The following FAM118A variants were observed in gnomAD, a reference collection of about 807,000 sequenced individuals.
The protein encoded by FAM118A is SIR2 antiphage like 2, also known as protein FAM118A.
Under a neutral mutation model 38.2 loss-of-function variants are expected in FAM118A, and 25 were observed. The ratio of observed to expected loss-of-function variants is 0.65; its 90% confidence interval spans 0.48 to 0.91. FAM118A has a LOEUF of 0.91. FAM118A is among the 40% of genes least tolerant of loss of function. The probability of loss-of-function intolerance (pLI) is 0.00; values close to 1 mark genes in which losing one functional copy is unlikely to be tolerated. For missense variants in FAM118A, 425 were observed against 463.3 expected, an observed-to-expected ratio of 0.92 and a Z score of 0.76; for synonymous variants, 178 against 184.1, an observed-to-expected ratio of 0.97 and a Z score of 0.27.
At chr22:45,319,746 G>A (rs1337935039) in intron 1 of FAM118A, among the ~76,000 whole-genome samples, 3 of 152,158 alleles carry the variant, frequency 2.0e-5, no homozygotes, top group Non-Finnish European at 4.4e-5. Flanking sequence ...TCCTTAGAAA[G>A]TATCTAGTAG....
In FAM118A at chr22:45,323,397, C is replaced by T. The variant is rs1056797046; in HGVS notation, c.270C>T (p.Val90=). The T allele has an allele frequency of 2.5e-6, 4 of 1,614,052 alleles. No homozygotes were observed. The highest frequency in any genetic ancestry group is 1.1e-5 in the South Asian group (1 of 91,078). Residue 90 remains valine, a synonymous_variant, in exon 3 of 9, where the codon GTC becomes GTT. Coordinates refer to ENST00000441876, the MANE Select transcript of FAM118A (RefSeq NM_017911.4). The stretch of plus-strand genomic sequence containing the variant: ...CAAAGGACCGGGACCTGTTGGTTGT[C>T]GCCCATGATCTGATCCGGAAGATGT... ...KVTKDRDLLV[V]AHDLIRKMSP...
rs961633924 is a variant in FAM118A, at chr22:45,330,688, A to C, written c.608A>C (p.Asp203Ala). The C allele has an allele frequency of 7.5e-6, 12 of 1,595,934 alleles. No homozygotes were observed. Among genetic ancestry groups the C allele is most frequent in the Non-Finnish European group, 1.0e-5 (12 of 1,173,524 alleles). ...LYTDPCGVVLDPSGYKDVTQD... is the reference protein window; with the variant it reads ...LYTDPCGVVLAPSGYKDVTQD... ...ACGGACCCCTGCGGGGTGGTGCTGG[A>C]CCCATCGGGGTATAAAGACGTCACT... Residue 203 changes from aspartate to alanine, a missense_variant, in exon 5 of 9, where the codon GAC becomes GCC. Transcript: ENST00000441876.
At chr22:45,322,858 A>G (rs2084963472) in intron 2 of FAM118A, among the ~76,000 whole-genome samples, 1 of 152,220 alleles carries the variant, frequency 6.6e-6, no homozygotes, top group African/African-American at 2.4e-5. Context: ...CATCGTTTGT[A>G]TTCATAACCT....
chr22:45,328,716 A>G, intron 4 of FAM118A: 1 of 529,882 alleles, frequency 1.9e-6, no homozygotes, highest in Non-Finnish European at 3.4e-6. Context: ...TGGGAGGGAG[A>G]TGGTTGCAGT....
intron 3 of FAM118A, 27 bp downstream of exon 3, chr22:45,323,454 G>A (rs1305041979): frequency 1.9e-6 from 3 of 1,602,912 alleles, no homozygotes; most frequent in Non-Finnish European, 1.7e-6. Flanking sequence ...TACCTCTTGG[G>A]GACAGCTTGG....
chr22:45,332,650 G>T lies in FAM118A; in HGVS notation c.877G>T (p.Asp293Tyr). 1 of 1,614,130 alleles carries T rather than the reference G, an allele frequency of 6.2e-7. No individual in the cohort carries two copies. Residue 293 changes from aspartate to tyrosine, a missense_variant, in exon 6 of 9, where the codon GAC becomes TAC. Asp to Tyr is a radical substitution (Grantham distance 160). Transcript: ENST00000441876. ...AGTTGTATCCTACGGGGACTGTTTT[G>T]ACCACTTTCCAGGATATGTGCAAGA... ...IKVVSYGDCF[D>Y]HFPGYVQDLA...
At chr22:45,335,048 C>G (rs1472296365) in intron 6 of FAM118A, 9 of 412,158 alleles carry the variant, frequency 2.2e-5, no homozygotes, top group Non-Finnish European at 3.9e-5. Flanking sequence ...CATTTGTACT[C>G]GAATTCATGG....
Position 45,340,676 on chromosome 22 carries a change from G to A in FAM118A, c.*271G>A. ...CTCAGGGACCAGAATCCGTGGGAAGGGATGGACCTGGTGTTCCCGTTCCCA... is the reference window on the plus strand; with the variant it reads ...CTCAGGGACCAGAATCCGTGGGAAGAGATGGACCTGGTGTTCCCGTTCCCA... On this transcript the variant is annotated 3_prime_UTR_variant, in exon 9 of 9. Transcript: ENST00000441876. 1 of 522,616 alleles carries A rather than the reference G, an allele frequency of 1.9e-6. No individual in the cohort carries two copies. The highest frequency in any genetic ancestry group is 3.4e-6 in the Non-Finnish European group (1 of 296,264). The allele number at this position is 522,616 out of a possible 1,614,324, so 32.4% of individuals were successfully genotyped here.
intron 1 of FAM118A, chr22:45,322,052 C>G: frequency 2.0e-6 from 1 of 511,812 alleles, no homozygotes; most frequent in South Asian, 2.0e-5. Context: ...AGCAGTGTCC[C>G]AAGAGACAGC....
chr22:45,327,198 C>T (rs555471207), intron 3 of FAM118A, among the ~76,000 whole-genome samples: 3 of 151,938 alleles, frequency 2.0e-5, no homozygotes, highest in Admixed American at 6.5e-5. Context: ...TATCCTGGCA[C>T]CACTGTGCTC....
intron 6 of FAM118A, among the ~76,000 whole-genome samples, chr22:45,334,290 G>C (rs1026445829): frequency 6.6e-6 from 1 of 152,176 alleles, no homozygotes; most frequent in Non-Finnish European, 1.5e-5. Flanking sequence ...GTGCTGGCTC[G>C]TTTAATTGTA....
rs150348852 is a variant in FAM118A at position 45,311,034 on chromosome 22, T to G, written c.-10+851T>G. ...TGGGGCATAAGACAAGTAGGTCGTT[T>G]TTATCTGGAGGAAGCTGTGTCGTCG... On this transcript the variant is annotated intron_variant, in intron 1 of 8. Coordinates refer to ENST00000441876, the MANE Select transcript of FAM118A (RefSeq NM_017911.4). 4.5e-3 allele frequency among the ~76,000 whole-genome samples: 690 copies of G among 152,210 alleles called. 2 individuals carry two copies. The highest frequency in any genetic ancestry group is 0.016 in the African/African-American group (662 of 41,510).
intron 6 of FAM118A, 33 bp from the exon 7 acceptor site, chr22:45,335,317 C>G (rs200113110): frequency 2.5e-6 from 4 of 1,613,910 alleles, no homozygotes; most frequent in Admixed American, 1.7e-5. Flanking sequence ...CTTGGTGTCT[C>G]GGCTCCACTG....
At chr22:45,335,791 G>A (rs2086043342) in intron 7 of FAM118A, among the ~76,000 whole-genome samples, 1 of 152,202 alleles carries the variant, frequency 6.6e-6, no homozygotes, top group Non-Finnish European at 1.5e-5. Context: ...TTTAATACTT[G>A]TTTTGAAATG....
intron 3 of FAM118A, 131 bp from the exon 4 acceptor site, chr22:45,327,711 C>A (rs561588282): frequency 2.3e-6 from 2 of 877,576 alleles, no homozygotes; most frequent in East Asian, 2.6e-5. Context: ...GGGGTTGCGG[C>A]GCACGCTGTG....
At chr22:45,313,309 T>C (rs900728776) in intron 1 of FAM118A, among the ~76,000 whole-genome samples, 1 of 148,030 alleles carries the variant, frequency 6.8e-6, no homozygotes, top group African/African-American at 2.5e-5. Context: ...GTGTCAGACA[T>C]GTCGTGAGGG....
chr22:45,335,906 C>G (rs1458247941), intron 7 of FAM118A, among the ~76,000 whole-genome samples: 1 of 152,258 alleles, frequency 6.6e-6, no homozygotes, highest in African/African-American at 2.4e-5. Flanking sequence ...AGGTGCCTCC[C>G]CTTGCCGAAT....
At chr22:45,316,853 G>T (rs1372806423) in intron 1 of FAM118A, among the ~76,000 whole-genome samples, 1 of 152,094 alleles carries the variant, frequency 6.6e-6, no homozygotes, top group Admixed American at 6.5e-5. Context: ...GCAAATTCTG[G>T]GGTCATTTTA....
intron 6 of FAM118A, among the ~76,000 whole-genome samples, chr22:45,334,715 G>A (rs1026383568): frequency 1.3e-5 from 2 of 152,202 alleles, no homozygotes; most frequent in Non-Finnish European, 2.9e-5. Context: ...TTGAAGCTGG[G>A]ATTGGGATCC....
Sources: gnomAD v4.1 joint callset for allele counts (sites outside exome capture counted in the v4.1 genomes callset) on GRCh38, gnomAD v4.1.1 for gene constraint, MANE v1.5 for transcripts, NCBI Gene and HGNC (gene_info 2026-07-23, HGNC 2026-07-21) for gene names.